MAF: variants seen among roughly 807,000 people sequenced by gnomAD.
MAF encodes the protein transcription factor Maf.
MAF carries 10 observed loss-of-function variants against 22.0 expected under a neutral mutation model. The ratio of observed to expected loss-of-function variants is 0.45; its 90% confidence interval spans 0.28 to 0.77. MAF has a LOEUF of 0.77. Ranked by LOEUF, MAF falls within the 30% of genes least tolerant of loss-of-function variation. MAF has a pLI of 0.12. For missense variants in MAF, 544 were observed against 548.4 expected (o/e 0.99, Z 0.08); for synonymous variants, 337 against 255.8 (o/e 1.32, Z -3.03).
At chr16:79,247,300 A>G in the MAF span, among the ~76,000 whole-genome samples, 1 of 152,240 alleles carries the variant, frequency 6.6e-6, no homozygotes, top group African/African-American at 2.4e-5. Flanking sequence ...AATTACTGGC[A>G]TGTCAATGGA....
chr16:79,546,321 A>G, the MAF span, among the ~76,000 whole-genome samples: 2 of 151,980 alleles, frequency 1.3e-5, no homozygotes, highest in South Asian at 2.1e-4. Flanking sequence ...AGAGTGGGAT[A>G]TTATAGACTC....
chr16:79,548,735 A>T, the MAF span, among the ~76,000 whole-genome samples: 1 of 152,172 alleles, frequency 6.6e-6, no homozygotes. Flanking sequence ...CCTGCCCAGC[A>T]GATACCTACC....
the MAF span, among the ~76,000 whole-genome samples, chr16:79,468,534 G>C: frequency 0.01 from 1,594 of 152,334 alleles, 37 homozygotes; most frequent in African/African-American, 0.037. Flanking sequence ...GACTGCACCT[G>C]CTGTCCCAGA....
chr16:79,227,512 C>T, the MAF span, among the ~76,000 whole-genome samples: 62 of 152,072 alleles, frequency 4.1e-4, 1 homozygote, highest in East Asian at 1.7e-3. Flanking sequence ...GGTCGAGTAA[C>T]GGTACTGTAA....
the MAF span, among the ~76,000 whole-genome samples, chr16:79,326,858 G>T: frequency 2.0e-5 from 3 of 152,210 alleles, no homozygotes; most frequent in Admixed American, 6.5e-5. Context: ...CAGAGACACA[G>T]GGTAGTATCT....
At position 79,600,110 on chromosome 16, in the gene MAF, C is replaced by T; in HGVS notation, c.-208G>A. The T allele has an allele frequency of 3.4e-6, 2 of 584,894 alleles. No individual in the cohort carries two copies. The highest frequency in any genetic ancestry group is 5.7e-6 in the Non-Finnish European group (2 of 348,688). 36.2% of individuals were successfully genotyped at this position (584,894 alleles called of 1,614,324 possible). A position where few individuals can be genotyped will look rare whatever the true frequency, so the allele number is the denominator to read the frequency against. On this transcript the variant is annotated 5_prime_UTR_variant, in exon 1 of 2. Coordinates refer to ENST00000326043, the MANE Select transcript of MAF (RefSeq NM_005360.5). ...GCCCGCGCCCCCCGCGCCCGCCCTCCCTCCCCCCTGCTCACGCCAATGTGC... is the reference window on the plus strand; with the variant it reads ...GCCCGCGCCCCCCGCGCCCGCCCTCTCTCCCCCCTGCTCACGCCAATGTGC...
the MAF span, among the ~76,000 whole-genome samples, chr16:79,453,608 T>G: frequency 6.6e-6 from 1 of 152,208 alleles, no homozygotes; most frequent in Non-Finnish European, 1.5e-5. Context: ...ATTAGGAGAC[T>G]GGGGGACAGG....
the MAF span, among the ~76,000 whole-genome samples, chr16:79,532,866 C>T: frequency 1.3e-5 from 2 of 152,196 alleles, no homozygotes; most frequent in African/African-American, 4.8e-5. Context: ...CATATCCATG[C>T]GGTCAGTGCC....
chr16:79,549,331 A>G, the MAF span, among the ~76,000 whole-genome samples: 1 of 152,172 alleles, frequency 6.6e-6, no homozygotes, highest in Admixed American at 6.5e-5. Flanking sequence ...AGCTGGGGAA[A>G]TGATACAAGG....
the MAF span, among the ~76,000 whole-genome samples, chr16:79,380,585 A>C: frequency 1.3e-5 from 2 of 152,198 alleles, no homozygotes; most frequent in African/African-American, 4.8e-5. Flanking sequence ...TATTCTTTCC[A>C]TTATCATGGT....
chr16:79,516,860 T>C, the MAF span, among the ~76,000 whole-genome samples: 2 of 152,042 alleles, frequency 1.3e-5, no homozygotes, highest in Non-Finnish European at 2.9e-5. Flanking sequence ...TTCTTAATCT[T>C]AAAGCAGCTA....
the MAF span, among the ~76,000 whole-genome samples, chr16:79,342,254 T>C: frequency 6.6e-6 from 1 of 152,184 alleles, no homozygotes; most frequent in East Asian, 1.9e-4. Context: ...TTTCTTTCTA[T>C]CTTGAATCTG....
chr16:79,220,048 G>A, the MAF span, among the ~76,000 whole-genome samples: 3 of 152,036 alleles, frequency 2.0e-5, no homozygotes, highest in African/African-American at 7.2e-5. Flanking sequence ...CTGAGGTCAG[G>A]AGTTCAAGAC....
the MAF span, among the ~76,000 whole-genome samples, chr16:79,391,205 C>T: frequency 6.6e-6 from 1 of 152,188 alleles, no homozygotes; most frequent in Non-Finnish European, 1.5e-5. Context: ...ATTGTTCAAC[C>T]TCTGCACCCT....
chr16:79,530,423 G>C, the MAF span, among the ~76,000 whole-genome samples: 1 of 152,114 alleles, frequency 6.6e-6, no homozygotes, highest in Non-Finnish European at 1.5e-5. Flanking sequence ...TAAATATTGG[G>C]AAGCAGTTTT....
intron 1 of MAF, chr16:79,596,151 G>C: frequency 2.8e-6 from 3 of 1,062,842 alleles, no homozygotes; most frequent in African/African-American, 3.3e-5. Context: ...CTTTGCTCCT[G>C]ATCAGAAGTG....
At chr16:79,226,749 A>C in the MAF span, among the ~76,000 whole-genome samples, 1 of 152,038 alleles carries the variant, frequency 6.6e-6, no homozygotes, top group Admixed American at 6.6e-5. Context: ...TATTCCCCAC[A>C]TTTTCTATGA....
At chr16:79,595,637 C>T (rs1179958241) in intron 1 of MAF, 1 of 1,057,840 alleles carries the variant, frequency 9.5e-7, no homozygotes, top group East Asian at 5.2e-5. Flanking sequence ...TGAGTCTTTC[C>T]AAGGGATCTT....
chr16:79,297,487 T>C, the MAF span, among the ~76,000 whole-genome samples: 5 of 152,136 alleles, frequency 3.3e-5, no homozygotes, highest in Admixed American at 3.3e-4. Context: ...GGAAGTAGCA[T>C]CCCAAGTTGA....
Sources: allele counts gnomAD v4.1 joint callset (sites outside exome capture counted in the v4.1 genomes callset), GRCh38; gene constraint gnomAD v4.1.1; transcripts MANE v1.5; gene names NCBI Gene and HGNC (gene_info 2026-07-23, HGNC 2026-07-21).